ROCK1: variants seen among roughly 807,000 people sequenced by gnomAD.
ROCK1 encodes rho-associated protein kinase 1.
Under a neutral mutation model 196.8 loss-of-function variants are expected in ROCK1, and 36 were observed. The ratio of observed to expected loss-of-function variants is 0.18; its 90% CI spans 0.14 to 0.24. The LOEUF is 0.24. Among genes scored for constraint, ROCK1 ranks in the 10% least tolerant of loss-of-function variants. The probability of loss-of-function intolerance (pLI) is 1.00; values close to 1 mark genes in which losing one functional copy is unlikely to be tolerated. For missense variants in ROCK1, 920 were observed against 1,562.0 expected (o/e 0.59, Z 6.93); for synonymous variants, 443 against 515.9 (o/e 0.86, Z 1.91).
In ROCK1 at chr18:20,949,544, A is replaced by C. The variant is rs1035186746; in HGVS notation, c.*1840T>G. 5 of 152,236 alleles carry C rather than the reference A, an allele frequency of 3.3e-5. No individual in the cohort carries two copies. Among genetic ancestry groups the C allele is most frequent in the Admixed American group, 3.3e-4 (5 of 15,280 alleles). The allele number at this position is 152,236 out of a possible 1,614,324, so 9.4% of individuals were successfully genotyped here. The stretch of plus-strand genomic sequence containing the variant: ...AGTAAAAGAACCCGACATCCTCACA[A>C]GGGAGAACTCTATCTTCCAAGGCTG... On this transcript the variant is annotated 3_prime_UTR_variant, in exon 33 of 33. Transcript: ENST00000399799.
intron 1 of ROCK1, among the ~76,000 whole-genome samples, chr18:21,084,943 T>C (rs2036513739): frequency 6.6e-6 from 1 of 152,144 alleles, no homozygotes; most frequent in South Asian, 2.1e-4. Context: ...TGACACATAC[T>C]ACAACATAGA....
chr18:21,068,529 G>T (rs2036356536), intron 2 of ROCK1, among the ~76,000 whole-genome samples: 1 of 152,166 alleles, frequency 6.6e-6, no homozygotes, highest in Non-Finnish European at 1.5e-5. Context: ...AAGGTTCTGA[G>T]AATATACGGA....
chr18:21,042,171 AT>A lies in ROCK1; in HGVS notation c.884del (p.Asn295IlefsTer28). On this transcript the variant is annotated frameshift_variant, in exon 8 of 33. Transcript: ENST00000399799. LOFTEE classifies it high-confidence loss of function. The part of the protein sequence containing the change: ...GTYSKIMNHK[N>X]SLTFPDDNDI... Reference sequence around the variant, plus strand: ...CATTATCATCAGGAAAGGTAAGTGAATTTTTATGGTTCATAATTTTACTGTA... The same window carrying A: ...CATTATCATCAGGAAAGGTAAGTGAATTTTATGGTTCATAATTTTACTGTA... 6.2e-7 allele frequency: 1 copy of A among 1,606,386 alleles called. No individual in the cohort carries two copies. The highest frequency in any genetic ancestry group is 1.1e-5 in the South Asian group (1 of 89,672).
At chr18:21,007,728 C>T (rs2035780572) in intron 14 of ROCK1, among the ~76,000 whole-genome samples, 1 of 152,120 alleles carries the variant, frequency 6.6e-6, no homozygotes, top group Non-Finnish European at 1.5e-5. Flanking sequence ...AATAATGATA[C>T]TCAGGCCACA....
intron 2 of ROCK1, among the ~76,000 whole-genome samples, chr18:21,059,391 A>T (rs1328484207): frequency 6.6e-6 from 1 of 152,164 alleles, no homozygotes; most frequent in Non-Finnish European, 1.5e-5. Context: ...ATTTCACCTA[A>T]CAATCTGAAC....
At chr18:21,033,103 AGGAG>A (rs1200015381) in intron 9 of ROCK1, among the ~76,000 whole-genome samples, 1 of 152,144 alleles carries the variant, frequency 6.6e-6, no homozygotes, top group Admixed American at 6.5e-5. Flanking sequence ...AGGCTGAGGC[AGGAG>A]GATCCCTTGG....
At chr18:21,088,558 C>A (rs1391169493) in intron 1 of ROCK1, among the ~76,000 whole-genome samples, 2 of 152,000 alleles carry the variant, frequency 1.3e-5, no homozygotes, top group Non-Finnish European at 2.9e-5. Context: ...AATCTAAGTT[C>A]CTTTCTCAAG....
intron 1 of ROCK1, among the ~76,000 whole-genome samples, chr18:21,092,350 G>A (rs1386741026): frequency 6.6e-6 from 1 of 152,082 alleles, no homozygotes; most frequent in Non-Finnish European, 1.5e-5. Flanking sequence ...GGAAAGCCAA[G>A]GTGGGAGGAT....
intron 21 of ROCK1, among the ~76,000 whole-genome samples, chr18:20,980,567 C>T (rs1051806419): frequency 4.6e-5 from 7 of 152,042 alleles, no homozygotes; most frequent in South Asian, 2.1e-4. Flanking sequence ...CACAGATGTA[C>T]ATATTTGTCA....
At chr18:21,028,022 A>G (rs953155746) in intron 10 of ROCK1, among the ~76,000 whole-genome samples, 2 of 146,766 alleles carry the variant, frequency 1.4e-5, no homozygotes, top group African/African-American at 5.0e-5. Context: ...CGGCCTCCCA[A>G]AGTGCTGGGA....
At chr18:21,056,461 A>G (rs927834860) in intron 2 of ROCK1, among the ~76,000 whole-genome samples, 3 of 152,136 alleles carry the variant, frequency 2.0e-5, no homozygotes, top group African/African-American at 4.8e-5. Flanking sequence ...TCTTTCAGGA[A>G]AATATGTTGG....
intron 12 of ROCK1, among the ~76,000 whole-genome samples, chr18:21,017,317 G>A (rs1337875755): frequency 1.4e-5 from 2 of 147,566 alleles, no homozygotes; most frequent in Admixed American, 1.4e-4. Flanking sequence ...TCAGCCTCCC[G>A]AGTAGCTGGG....
At chr18:21,053,579 T>C (rs1598545284) in intron 2 of ROCK1, among the ~76,000 whole-genome samples, 4 of 152,336 alleles carry the variant, frequency 2.6e-5, no homozygotes, top group Middle Eastern at 6.8e-3. Context: ...CTCACACCTG[T>C]AATCCCAGTG....
intron 13 of ROCK1, among the ~76,000 whole-genome samples, chr18:21,009,769 C>T (rs769322003): frequency 6.6e-6 from 1 of 152,098 alleles, no homozygotes; most frequent in African/African-American, 2.4e-5. Flanking sequence ...AGTAATATTT[C>T]ATGATAGTTT....
chr18:21,032,302 T>A (rs1280988120), intron 9 of ROCK1, among the ~76,000 whole-genome samples: 1 of 152,148 alleles, frequency 6.6e-6, no homozygotes, highest in African/African-American at 2.4e-5. Context: ...CTGGTATCAA[T>A]TCAACCTAGA....
chr18:20,969,189 A>G lies in ROCK1; in HGVS notation c.2840T>C (p.Met947Thr). 1 of 1,602,550 alleles carries G rather than the reference A, an allele frequency of 6.2e-7. No individual in the cohort carries two copies. Among genetic ancestry groups the G allele is most frequent in the South Asian group, 1.1e-5 (1 of 90,888 alleles). The change falls in exon 24 of 33, where the codon ATG (methionine) becomes ACG (threonine). Residue 947 changes from methionine (M) to threonine (T), a missense_variant. Met to Thr is a moderately conservative substitution (Grantham distance 81). Transcript: ENST00000399799. ...TVSRLEEANS[M>T]LTKDIEILRR... ...TAATATTTCAATATCTTTGGTTAGC[A>G]TGCTGTTTGCTTCTTCAAGCTAAAC...
chr18:21,014,065 CAAAAAAAAAA>C (rs56355855), intron 13 of ROCK1, among the ~76,000 whole-genome samples: 1 of 69,850 alleles, frequency 1.4e-5, no homozygotes, highest in African/African-American at 4.0e-5. Context: ...GACTCTGTCT[CAAAAAAAAAA>C]AAAAAAAAAA....
chr18:20,958,951 T>C (rs2035279449), intron 29 of ROCK1, among the ~76,000 whole-genome samples: 1 of 97,758 alleles, frequency 1.0e-5, no homozygotes, highest in Non-Finnish European at 1.9e-5. Flanking sequence ...AAATAATATA[T>C]ATATTTTATA....
intron 2 of ROCK1, among the ~76,000 whole-genome samples, chr18:21,068,181 G>A (rs984509352): frequency 1.3e-5 from 2 of 152,162 alleles, no homozygotes; most frequent in East Asian, 3.9e-4. Context: ...TTTTCTTCTA[G>A]AAGTGTTATT....
Sources: gnomAD v4.1 joint callset for allele counts (sites outside exome capture counted in the v4.1 genomes callset) on GRCh38, gnomAD v4.1.1 for gene constraint, MANE v1.5 for transcripts, NCBI Gene and HGNC (gene_info 2026-07-23, HGNC 2026-07-21) for gene names.